The following SPTBN4 variants were observed in gnomAD, a reference collection of about 807,000 sequenced individuals.
The protein encoded by SPTBN4 is spectrin beta chain, non-erythrocytic 4.
A neutral mutation model predicts 277.8 loss-of-function variants in SPTBN4; 96 were observed. The observed-to-expected ratio is 0.35, with a 90% CI of 0.29 to 0.41. SPTBN4 has a LOEUF of 0.41. Ranked by LOEUF, SPTBN4 falls within the 10% of genes least tolerant of loss-of-function variation. The pLI, the probability that SPTBN4 is intolerant of heterozygous loss-of-function variation, is 1.00. For synonymous variants in SPTBN4, 1,481 were observed against 1,580.3 expected, an observed-to-expected ratio of 0.94 and a Z score of 1.49; for missense variants, 3,006 against 3,595.7, an observed-to-expected ratio of 0.84 and a Z score of 4.19.
chr19:40,574,300 GT>G (rs2081181332), intron 35 of SPTBN4, among the ~76,000 whole-genome samples: 1 of 152,056 alleles, frequency 6.6e-6, no homozygotes, highest in Admixed American at 6.6e-5. Flanking sequence ...TTGAAGAGAT[GT>G]TGAGAGTAAT....
chr19:40,478,523 A>G (rs1208002747), intron 2 of SPTBN4, among the ~76,000 whole-genome samples: 1 of 152,072 alleles, frequency 6.6e-6, no homozygotes, highest in Non-Finnish European at 1.5e-5. Flanking sequence ...CAACAGAGTG[A>G]GATCCCACCT....
In SPTBN4 at chr19:40,520,144, G is replaced by T; in HGVS notation, c.3647G>T (p.Arg1216Leu). 7.0e-7 allele frequency: 1 copy of T among 1,427,744 alleles called. No individual in the cohort carries two copies. Among genetic ancestry groups the T allele is most frequent in the Non-Finnish European group, 9.2e-7 (1 of 1,091,060 alleles). The allele number at this position is 1,427,744 out of a possible 1,614,324, so 88.4% of individuals were successfully genotyped here. Reference sequence around the variant, plus strand: ...CTACGCCAGGCGCTCGTGGTGCTGCGTAACCAGGTGCCCACTCGGGGTGTA... The same window carrying T: ...CTACGCCAGGCGCTCGTGGTGCTGCTTAACCAGGTGCCCACTCGGGGTGTA... ...RDLRQALVVL[R>L]NQEMALSGAE... is the part of the protein sequence containing the mutation. Residue 1216 changes from arginine (R) to leucine (L), a missense_variant, in exon 16 of 36, where the codon CGT (arginine) becomes CTT (leucine). Around this residue, in one of 5 missense-constraint regions of SPTBN4, gnomAD observed 1,759 missense variants for 2,061.5 expected, o/e 0.85. Transcript: ENST00000598249.
Position 40,560,243 on chromosome 19 carries a change from G to C in SPTBN4, c.5755G>C (p.Glu1919Gln). ...CGAGGCCATCGCTAGCCGGGAGCAGGAGGTGCTGCAGGGTTGGAAAGAGCT... is the reference window on the plus strand; with the variant it reads ...CGAGGCCATCGCTAGCCGGGAGCAGCAGGTGCTGCAGGGTTGGAAAGAGCT... ...HAEAIASREQ[E>Q]VLQGWKELLS... Residue 1919 changes from glutamate to glutamine, a missense_variant, in exon 27 of 36, where the codon GAG (glutamate) becomes CAG (glutamine). Coordinates refer to ENST00000598249, the MANE Select transcript of SPTBN4 (RefSeq NM_020971.3). The surrounding 1 kb of genome is among the most constrained non-coding windows in gnomAD (Gnocchi z 5.2). 1 of 1,612,976 alleles carries C rather than the reference G, an allele frequency of 6.2e-7. No homozygotes were observed. Among genetic ancestry groups the C allele is most frequent in the South Asian group, 1.1e-5 (1 of 91,086 alleles).
chr19:40,510,507 G>A (rs1168673511), intron 13 of SPTBN4, among the ~76,000 whole-genome samples: 1 of 152,084 alleles, frequency 6.6e-6, no homozygotes, highest in Non-Finnish European at 1.5e-5. Context: ...GTTTTGCCGT[G>A]TTACCCAGGC....
chr19:40,506,414 A>G (rs147757769), intron 13 of SPTBN4, 28 bp downstream of exon 13: 20 of 1,597,726 alleles, frequency 1.3e-5, no homozygotes, highest in Middle Eastern at 1.7e-4. Context: ...GGCTGGGGCT[A>G]TGGGTGGAGA....
chr19:40,490,887 A>T lies in SPTBN4; in HGVS notation c.495+639A>T, dbSNP rs1287827649. On this transcript the variant is annotated intron_variant, in intron 4 of 35. Coordinates refer to ENST00000598249, the MANE Select transcript of SPTBN4 (RefSeq NM_020971.3). This position sits in a 1 kb window ranked among gnomAD's most constrained non-coding sequence, Gnocchi z 4.3. ...ACATAATGAGACCTTAAATAAATTTAAAAAATTAGCCAGGCATGGTGGTGC... is the reference window on the plus strand; with the variant it reads ...ACATAATGAGACCTTAAATAAATTTTAAAAATTAGCCAGGCATGGTGGTGC... Among the ~76,000 whole-genome samples, 2 of 152,022 alleles carry T rather than the reference A, an allele frequency of 1.3e-5. No individual in the cohort carries two copies. Among genetic ancestry groups the T allele is most frequent in the Admixed American group, 6.6e-5 (1 of 15,232 alleles).
intron 5 of SPTBN4, among the ~76,000 whole-genome samples, chr19:40,493,681 C>A (rs2080163382): frequency 6.6e-6 from 1 of 152,012 alleles, no homozygotes; most frequent in South Asian, 2.1e-4. Context: ...TACGATCATG[C>A]CACTGCACTC....
chr19:40,534,251 G>C lies in SPTBN4; in HGVS notation c.4267G>C (p.Asp1423His). The change falls in exon 20 of 36, where the codon GAC becomes CAC. Residue 1423 changes from aspartate to histidine, a missense_variant. Coordinates refer to ENST00000598249, the MANE Select transcript of SPTBN4 (RefSeq NM_020971.3). ...GCTGGTGCAGAGCTTTGCTGAGCTG[G>C]ACAAGAAGCTCCTTCACATGGAGAG... The part of the protein sequence containing the change: ...DQLVQSFAEL[D>H]KKLLHMESQL... 6.2e-7 allele frequency: 1 copy of C among 1,614,184 alleles called. No homozygotes were observed. The highest frequency in any genetic ancestry group is 8.5e-7 in the Non-Finnish European group (1 of 1,180,044).
At position 40,565,718 on chromosome 19, in the gene SPTBN4, G is replaced by T. The variant is rs752654369; in HGVS notation, c.6112G>T (p.Asp2038Tyr). 2 of 1,553,412 alleles carry T rather than the reference G, an allele frequency of 1.3e-6. No homozygotes were observed. The highest frequency in any genetic ancestry group is 2.4e-5 in the South Asian group (2 of 84,272). The change falls in exon 29 of 36, where the codon GAC (aspartate) becomes TAC (tyrosine). Residue 2038 changes from aspartate (D) to tyrosine (Y), a missense_variant. Physicochemically the swap from Asp to Tyr is radical, Grantham distance 160. This residue lies in a region of SPTBN4 where 425 missense variants were observed against 594.7 expected (regional missense o/e 0.71). Transcript: ENST00000598249. ...TRKEEVSEKW[D>Y]RHWEWLQQML... ...GAAGGAGGAGGTGTCGGAAAAGTGG[G>T]ACCGCCATTGGGAGTGGCTGCAGCA...
At chr19:40,544,672 C>G (rs1036239182) in intron 20 of SPTBN4, among the ~76,000 whole-genome samples, 2 of 151,890 alleles carry the variant, frequency 1.3e-5, no homozygotes, top group Non-Finnish European at 2.9e-5. Flanking sequence ...AGGTCTCAAA[C>G]TCCTGACTTC....
Position 40,565,720 on chromosome 19 carries a change from C to A in SPTBN4, c.6114C>A (p.Asp2038Glu). Residue 2038 changes from aspartate to glutamate, a missense_variant, in exon 29 of 36, where the codon GAC (aspartate) becomes GAA (glutamate). Physicochemically the swap from Asp to Glu is conservative, Grantham distance 45. Coordinates refer to ENST00000598249, the MANE Select transcript of SPTBN4 (RefSeq NM_020971.3). ...TRKEEVSEKW[D>E]RHWEWLQQML... The stretch of plus-strand genomic sequence containing the variant: ...AGGAGGAGGTGTCGGAAAAGTGGGA[C>A]CGCCATTGGGAGTGGCTGCAGCAGA... 6.4e-7 allele frequency: 1 copy of A among 1,553,520 alleles called. No homozygotes were observed. The highest frequency in any genetic ancestry group is 1.2e-5 in the South Asian group (1 of 84,258).
At chr19:40,558,911 AATTATTATT>A (rs371965577) in intron 26 of SPTBN4, among the ~76,000 whole-genome samples, 120 of 125,948 alleles carry the variant, frequency 9.5e-4, no homozygotes, top group South Asian at 2.8e-3. Context: ...CCCAGCTGGC[AATTATTATT>A]ATTATTATTA....
At position 40,502,775 on chromosome 19, in the gene SPTBN4, G is replaced by A; in HGVS notation, c.1204G>A (p.Ala402Thr). ...GAGTGCCTCCTCCCATCTCCTGCAG[G>A]CATGGGGTGAGCTGGAGAAGGCTGA... Reference protein sequence around the residue: ...EGCGIWDIDKAWGELEKAEHE... With the variant: ...EGCGIWDIDKTWGELEKAEHE... The change falls in exon 11 of 36, where the codon GCA becomes ACA. Residue 402 changes from alanine (A) to threonine (T), a missense_variant and splice_region_variant. By Grantham distance (58) the Ala-to-Thr change is moderately conservative (BLOSUM62 0). Coordinates refer to ENST00000598249, the MANE Select transcript of SPTBN4 (RefSeq NM_020971.3). The surrounding 1 kb of genome is among the most constrained non-coding windows in gnomAD (Gnocchi z 4.9). 6.2e-7 allele frequency: 1 copy of A among 1,613,642 alleles called. No individual in the cohort carries two copies. Among genetic ancestry groups the A allele is most frequent in the East Asian group, 2.2e-5 (1 of 44,870 alleles).
rs762473815 is a variant in SPTBN4 at position 40,565,657 on chromosome 19, C to G, written c.6055-4C>G. On this transcript the variant is annotated splice_region_variant and splice_polypyrimidine_tract_variant and intron_variant, in intron 28 of 35. Transcript: ENST00000598249. ...CTTCCCTCCCACCCACCTGCCACTC[C>G]CAGATCCAGGCACAGCTGGACAAGC... 2 of 1,557,100 alleles carry G rather than the reference C, an allele frequency of 1.3e-6. No individual in the cohort carries two copies. The highest frequency in any genetic ancestry group is 1.7e-6 in the Non-Finnish European group (2 of 1,149,786).
At chr19:40,528,936 C>A in intron 17 of SPTBN4, 105 bp from the exon 18 acceptor site, 3 of 807,610 alleles carry the variant, frequency 3.7e-6, no homozygotes, top group Non-Finnish European at 6.3e-6. Flanking sequence ...ACATATTTTC[C>A]ACGCCCTTCT....
intron 2 of SPTBN4, among the ~76,000 whole-genome samples, chr19:40,480,251 CAAAA>C (rs34559298): frequency 2.1e-5 from 2 of 93,742 alleles, no homozygotes; most frequent in Non-Finnish European, 4.5e-5. Flanking sequence ...GACTCCGTCT[CAAAA>C]AAAAAAAAAA....
intron 2 of SPTBN4, among the ~76,000 whole-genome samples, chr19:40,487,105 C>T (rs893620405): frequency 1.3e-5 from 2 of 150,560 alleles, no homozygotes; most frequent in Non-Finnish European, 3.0e-5. Flanking sequence ...GGCGTGATCT[C>T]GGCTCACTGC....
intron 27 of SPTBN4, among the ~76,000 whole-genome samples, chr19:40,564,191 C>T (rs993531241): frequency 1.3e-5 from 2 of 149,652 alleles, no homozygotes; most frequent in African/African-American, 4.9e-5. Context: ...CCTGTTTCTA[C>T]TAAAAATACA....
Position 40,515,519 on chromosome 19 carries a change from A to T in SPTBN4, c.2903+71A>T. ...CACTCACACAGCCATGGACAGCAAG[A>T]TGTGCAATCTCAAACCCCTGGAATC... On this transcript the variant is annotated intron_variant, in intron 15 of 35. Coordinates refer to ENST00000598249, the MANE Select transcript of SPTBN4 (RefSeq NM_020971.3). The surrounding 1 kb of genome is among the most constrained non-coding windows in gnomAD (Gnocchi z 4.1). The T allele has an allele frequency of 4.2e-6, 6 of 1,423,880 alleles. No homozygotes were observed. Among genetic ancestry groups the T allele is most frequent in the Non-Finnish European group, 4.6e-6 (5 of 1,081,120 alleles). 88.2% of individuals were successfully genotyped at this position (1,423,880 alleles called of 1,614,324 possible).
Sources: gnomAD v4.1 joint callset for allele counts (sites outside exome capture counted in the v4.1 genomes callset) on GRCh38, gnomAD v4.1.1 for gene constraint, gnomAD v4.1.1 regional missense constraint, Gnocchi (gnomAD v3.1) non-coding constraint, MANE v1.5 for transcripts, NCBI Gene and HGNC (gene_info 2026-07-23, HGNC 2026-07-21) for gene names.